Variants in HS6ST2 observed in about 807,000 individuals in gnomAD.
HS6ST2 encodes heparan-sulfate 6-O-sulfotransferase 2.
In HS6ST2, 17 loss-of-function variants were observed where a neutral mutation model predicts 33.0. The ratio of observed to expected loss-of-function variants is 0.52; its 90% confidence interval spans 0.35 to 0.77. The LOEUF (loss-of-function observed/expected upper bound fraction) is 0.77. Among genes scored for constraint, HS6ST2 ranks in the 30% least tolerant of loss-of-function variants. HS6ST2 has a pLI of 0.01. For synonymous variants in HS6ST2, 248 were observed against 237.1 expected (o/e 1.05, Z -0.42); for missense variants, 519 against 551.7 (o/e 0.94, Z 0.59).
chrX:132,926,127 TA>T (rs1480821465), intron 2 of HS6ST2, among the ~76,000 whole-genome samples: 3 of 112,829 alleles, frequency 2.7e-5, no homozygotes, highest in Non-Finnish European at 3.7e-5. Context: ...TTTTTTACTC[TA>T]AAATTGTCAC....
chrX:132,899,791 T>C (rs2066411344), intron 2 of HS6ST2, among the ~76,000 whole-genome samples: 1 of 111,626 alleles, frequency 9.0e-6, no homozygotes, highest in Non-Finnish European at 1.9e-5. Context: ...AACCACACCA[T>C]AGCAAATCAT....
At chrX:132,870,217 G>A (rs926943392) in intron 2 of HS6ST2, among the ~76,000 whole-genome samples, 6 of 111,465 alleles carry the variant, frequency 5.4e-5, no homozygotes, top group African/African-American at 2.0e-4. Flanking sequence ...TAAGGGATGT[G>A]AAGGACCTCT....
At chrX:132,799,624 C>T (rs2065216581) in intron 2 of HS6ST2, among the ~76,000 whole-genome samples, 1 of 111,042 alleles carries the variant, frequency 9.0e-6, no homozygotes, top group Non-Finnish European at 1.9e-5. Context: ...TCAAGCAATC[C>T]ACCCACTTTA....
rs971479157 is a variant in HS6ST2, at chrX:132,807,321, A to G, written c.948-98827T>C. On this transcript the variant is annotated intron_variant, in intron 2 of 4. Coordinates refer to ENST00000370833, the MANE Select transcript of HS6ST2 (RefSeq NM_001394073.1). ...GAACTAGTGGGCCTGAGATGGCCAC[A>G]ATTCACTTAAAATTTAAAGAGTTGA... 3.2e-4 allele frequency among the ~76,000 whole-genome samples: 35 copies of G among 110,834 alleles called. 3 individuals carry two copies. The highest frequency in any genetic ancestry group is 6.1e-4 in the Non-Finnish European group (32 of 52,339).
At chrX:132,669,057 C>G in intron 4 of HS6ST2, 56 bp downstream of exon 4, 1 of 761,884 alleles carries the variant, frequency 1.3e-6, no homozygotes, top group South Asian at 2.4e-5. Context: ...AAAAGGAGGA[C>G]AGCACTTGAC....
At chrX:132,819,679 C>A (rs1366738235) in intron 2 of HS6ST2, among the ~76,000 whole-genome samples, 2 of 112,061 alleles carry the variant, frequency 1.8e-5, no homozygotes, top group Non-Finnish European at 3.8e-5. Flanking sequence ...TCTACTTTCC[C>A]ATCTGGAGAG....
At chrX:132,862,485 A>G (rs1392080033) in intron 2 of HS6ST2, among the ~76,000 whole-genome samples, 2 of 112,068 alleles carry the variant, frequency 1.8e-5, no homozygotes, top group African/African-American at 6.5e-5. Flanking sequence ...AAAATTATTT[A>G]ATTTCTTTGA....
chrX:132,751,255 C>T (rs2064704960), intron 2 of HS6ST2, among the ~76,000 whole-genome samples: 1 of 98,477 alleles, frequency 1.0e-5, no homozygotes, highest in African/African-American at 3.7e-5. Context: ...TGAGGTGGGG[C>T]GGGGCGGGGG....
At chrX:132,827,836 T>A (rs1290782082) in intron 2 of HS6ST2, among the ~76,000 whole-genome samples, 1 of 110,823 alleles carries the variant, frequency 9.0e-6, no homozygotes, top group Non-Finnish European at 1.9e-5. Context: ...CCCTCGATTT[T>A]GCTGTTAGAG....
At chrX:132,869,790 A>G (rs1183986779) in intron 2 of HS6ST2, among the ~76,000 whole-genome samples, 2 of 111,976 alleles carry the variant, frequency 1.8e-5, no homozygotes, top group Non-Finnish European at 3.8e-5. Context: ...GCTATTTAGT[A>G]CAAACCCACA....
intron 2 of HS6ST2, among the ~76,000 whole-genome samples, chrX:132,831,199 T>G (rs183099252): frequency 1.5e-3 from 163 of 111,120 alleles, no homozygotes; most frequent in African/African-American, 5.1e-3. Flanking sequence ...ATAATAAACA[T>G]GAGGAGAAAG....
chrX:132,879,690 A>G (rs929678962), intron 2 of HS6ST2, among the ~76,000 whole-genome samples: 3 of 112,082 alleles, frequency 2.7e-5, no homozygotes, highest in Admixed American at 9.5e-5. Context: ...TCAATCTTCA[A>G]TTCAACTTAT....
intron 4 of HS6ST2, among the ~76,000 whole-genome samples, chrX:132,666,300 C>T (rs191185843): frequency 1.0e-3 from 112 of 111,772 alleles, no homozygotes; most frequent in African/African-American, 3.3e-3. Context: ...ACCACGTTGT[C>T]ATCCTCTGTC....
At chrX:132,629,972 CT>C (rs777547105) in intron 4 of HS6ST2, among the ~76,000 whole-genome samples, 4 of 112,456 alleles carry the variant, frequency 3.6e-5, no homozygotes, top group Non-Finnish European at 7.5e-5. Flanking sequence ...GTATGGCTGT[CT>C]TCTCTTTAGG....
At chrX:132,805,483 G>T (rs1318238541) in intron 2 of HS6ST2, among the ~76,000 whole-genome samples, 1 of 109,460 alleles carries the variant, frequency 9.1e-6, no homozygotes, top group Non-Finnish European at 1.9e-5. Flanking sequence ...CTCACCAGCA[G>T]CTTTCCTAGC....
At chrX:132,951,893 AT>A (rs1246191118) in intron 2 of HS6ST2, among the ~76,000 whole-genome samples, 1 of 112,501 alleles carries the variant, frequency 8.9e-6, no homozygotes, top group East Asian at 2.8e-4. Flanking sequence ...AACAAAATCC[AT>A]TTTTTAATTA....
intron 2 of HS6ST2, among the ~76,000 whole-genome samples, chrX:132,862,344 G>T (rs2065921017): frequency 9.0e-6 from 1 of 111,700 alleles, no homozygotes; most frequent in South Asian, 3.7e-4. Flanking sequence ...TGTACCAGAG[G>T]TGTTTCTTAA....
At chrX:132,940,045 A>G (rs1377116416) in intron 2 of HS6ST2, among the ~76,000 whole-genome samples, 5 of 112,363 alleles carry the variant, frequency 4.4e-5, no homozygotes, top group African/African-American at 1.6e-4. Context: ...TGCTTTCAAA[A>G]CTAGCTACAA....
At chrX:132,720,970 T>A (rs1029458875) in intron 2 of HS6ST2, among the ~76,000 whole-genome samples, 1 of 111,586 alleles carries the variant, frequency 9.0e-6, no homozygotes, top group East Asian at 2.8e-4. Flanking sequence ...TAGGTCCCAA[T>A]ACGATAATAA....
Sources: allele counts gnomAD v4.1 joint callset (sites outside exome capture counted in the v4.1 genomes callset), GRCh38; gene constraint gnomAD v4.1.1; transcripts MANE v1.5; gene names NCBI Gene and HGNC (gene_info 2026-07-23, HGNC 2026-07-21).